The following ASF1A variants were observed in gnomAD, a reference collection of about 807,000 sequenced individuals.
The protein encoded by ASF1A is anti-silencing function 1A histone chaperone.
In ASF1A, 5 loss-of-function variants were observed where a neutral mutation model predicts 22.0. That is an observed-to-expected ratio of 0.23 (90% CI 0.12 to 0.48). The LOEUF (loss-of-function observed/expected upper bound fraction) is 0.48. Among genes scored for constraint, ASF1A ranks in the 20% least tolerant of loss-of-function variants. The pLI is 0.99. For synonymous variants in ASF1A, 97 were observed against 86.7 expected (o/e 1.12, Z -0.66); for missense variants, 137 against 240.6 (o/e 0.57, Z 2.85).
chr6:118,900,168 G>T (rs1463487775), intron 1 of ASF1A, among the ~76,000 whole-genome samples: 1 of 145,800 alleles, frequency 6.9e-6, no homozygotes, highest in Non-Finnish European at 1.6e-5. Flanking sequence ...TATGACACAG[G>T]GGGGTGCCGT....
chr6:118,905,940 G>T (rs1033298292), intron 3 of ASF1A, 112 bp downstream of exon 3: 4 of 792,486 alleles, frequency 5.0e-6, no homozygotes, highest in Non-Finnish European at 7.6e-6. Context: ...AAATAAATAT[G>T]AGGTCCTTAT....
At chr6:118,902,171 C>T (rs1468095796) in intron 2 of ASF1A, among the ~76,000 whole-genome samples, 2 of 152,026 alleles carry the variant, frequency 1.3e-5, no homozygotes, top group Non-Finnish European at 2.9e-5. Flanking sequence ...AACAGAATGC[C>T]CTGTTCTGTA....
At position 118,908,039 on chromosome 6, in the gene ASF1A, A is replaced by G. The variant is rs567982696; in HGVS notation, c.*425A>G. On this transcript the variant is annotated 3_prime_UTR_variant, in exon 4 of 4. Transcript: ENST00000229595. ...TCTTCCTGTGAAGACATATGGTATC[A>G]TTTTAATTTAAGGGGCAGATTTCCA... The G allele has an allele frequency of 6.5e-6, 1 of 154,650 alleles. No homozygotes were observed. Among genetic ancestry groups the G allele is most frequent in the East Asian group, 1.9e-4 (1 of 5,240 alleles). The allele number at this position is 154,650 out of a possible 1,614,324, so 9.6% of individuals were successfully genotyped here.
At position 118,894,388 on chromosome 6, in the gene ASF1A, C is replaced by G. The variant is rs747874429; in HGVS notation, c.-26C>G. On this transcript the variant is annotated 5_prime_UTR_variant, in exon 1 of 4. Transcript: ENST00000229595. ...TATTGTGCCGCAACCAGCCCCAGTTCCCATTGTTTGTGTTTTTTTCAAAAT... is the reference window on the plus strand; with the variant it reads ...TATTGTGCCGCAACCAGCCCCAGTTGCCATTGTTTGTGTTTTTTTCAAAAT... The G allele has an allele frequency of 7.2e-6, 11 of 1,536,966 alleles. No individual in the cohort carries two copies. Among genetic ancestry groups the G allele is most frequent in the South Asian group, 7.1e-5 (6 of 84,034 alleles).
chr6:118,894,558 G>A (rs139800548), intron 1 of ASF1A, 36 bp downstream of exon 1: 72,854 of 1,490,544 alleles, frequency 0.049, 2,585 homozygotes, highest in East Asian at 0.19. Context: ...GCTGTCAGTT[G>A]CGGGCTGCAG....
At position 118,894,310 on chromosome 6, in the gene ASF1A, G is replaced by A; in HGVS notation, c.-104G>A. The A allele has an allele frequency of 6.7e-7, 1 of 1,500,452 alleles. No homozygotes were observed. Among genetic ancestry groups the A allele is most frequent in the Non-Finnish European group, 8.9e-7 (1 of 1,128,046 alleles). 92.9% of individuals were successfully genotyped at this position (1,500,452 alleles called of 1,614,324 possible). ...TCAAGTCGCCGCTGCACGACGTCTG[G>A]CCGGCGCTGGAGCGGGGGTCTGCGC... On this transcript the variant is annotated 5_prime_UTR_variant, in exon 1 of 4. Coordinates refer to ENST00000229595, the MANE Select transcript of ASF1A (RefSeq NM_014034.3).
chr6:118,901,041 G>A, intron 2 of ASF1A, 160 bp downstream of exon 2: 1 of 571,872 alleles, frequency 1.7e-6, no homozygotes. Context: ...CAGTCTCTGT[G>A]TCACAGAGGA....
chr6:118,895,924 T>C (rs989659447), intron 1 of ASF1A, among the ~76,000 whole-genome samples: 2 of 152,094 alleles, frequency 1.3e-5, no homozygotes, highest in African/African-American at 4.8e-5. Flanking sequence ...TATATATTCA[T>C]TGTAATAAAC....
intron 2 of ASF1A, among the ~76,000 whole-genome samples, chr6:118,904,712 T>C (rs1437364003): frequency 1.3e-5 from 2 of 152,264 alleles, no homozygotes; most frequent in Non-Finnish European, 2.9e-5. Context: ...CCTTCACTGG[T>C]TTCCACATTA....
intron 1 of ASF1A, among the ~76,000 whole-genome samples, chr6:118,895,034 G>T (rs1479821527): frequency 6.6e-6 from 1 of 152,176 alleles, no homozygotes; most frequent in Non-Finnish European, 1.5e-5. Flanking sequence ...TGCCCCCGGC[G>T]AAAGGCAGGC....
At chr6:118,898,993 G>A (rs1338305470) in intron 1 of ASF1A, among the ~76,000 whole-genome samples, 4 of 152,048 alleles carry the variant, frequency 2.6e-5, no homozygotes, top group Non-Finnish European at 5.9e-5. Flanking sequence ...TCTCAAATAT[G>A]TCTAAAATGA....
At chr6:118,900,696 A>C in intron 1 of ASF1A, 70 bp from the exon 2 acceptor site, 1 of 1,118,740 alleles carries the variant, frequency 8.9e-7, no homozygotes, top group Non-Finnish European at 1.4e-6. Context: ...TGGACATTAA[A>C]AGGGTCTTTG....
In ASF1A at chr6:118,894,308, T is replaced by C. The variant is rs1779188206; in HGVS notation, c.-106T>C. ...TCTCAAGTCGCCGCTGCACGACGTC[T>C]GGCCGGCGCTGGAGCGGGGGTCTGC... On this transcript the variant is annotated 5_prime_UTR_variant, in exon 1 of 4. Coordinates refer to ENST00000229595, the MANE Select transcript of ASF1A (RefSeq NM_014034.3). The C allele has an allele frequency of 6.7e-7, 1 of 1,498,504 alleles. No individual in the cohort carries two copies. 92.8% of individuals were successfully genotyped at this position (1,498,504 alleles called of 1,614,324 possible).
At chr6:118,904,402 G>C (rs1262304378) in intron 2 of ASF1A, among the ~76,000 whole-genome samples, 3 of 152,164 alleles carry the variant, frequency 2.0e-5, no homozygotes, top group Non-Finnish European at 4.4e-5. Context: ...TGCTCATCTA[G>C]GCCCAGGAAT....
chr6:118,894,459 TCTC>T lies in ASF1A; in HGVS notation c.49_51del (p.Pro17del), dbSNP rs1779203212. On this transcript the variant is annotated inframe_deletion, in exon 1 of 4. Coordinates refer to ENST00000229595, the MANE Select transcript of ASF1A (RefSeq NM_014034.3). ...CAATGTAGTGGTGCTGGATAACCCT[TCTC>T]CTTTCTACAACCCGTTCCAGTTCGA... The T allele has an allele frequency of 1.3e-6, 2 of 1,536,954 alleles. No homozygotes were observed. Among genetic ancestry groups the T allele is most frequent in the Non-Finnish European group, 8.7e-7 (1 of 1,146,810 alleles).
intron 1 of ASF1A, among the ~76,000 whole-genome samples, chr6:118,897,910 C>T (rs1779542137): frequency 6.6e-6 from 1 of 152,054 alleles, no homozygotes; most frequent in African/African-American, 2.4e-5. Flanking sequence ...GCAAGCATCC[C>T]ATAAACATAA....
intron 1 of ASF1A, 115 bp downstream of exon 1, chr6:118,894,637 G>A (rs36193145): frequency 1.9e-4 from 172 of 904,224 alleles, no homozygotes; most frequent in East Asian, 4.3e-4. Context: ...GCCGCGGGCT[G>A]CTCTGCGGAG....
At chr6:118,894,611 T>TGTTCGGCGCCTGGCGGCCGC in intron 1 of ASF1A, 89 bp downstream of exon 1, 2 of 1,178,638 alleles carry the variant, frequency 1.7e-6, no homozygotes, top group Non-Finnish European at 2.4e-6. Context: ...TGGGCGGCTG[T>TGTTCGGCGCCTGGCGGCCGC]GTTCGGCGCC....
chr6:118,895,031 G>A (rs993227418), intron 1 of ASF1A, among the ~76,000 whole-genome samples: 2 of 152,160 alleles, frequency 1.3e-5, no homozygotes, highest in African/African-American at 4.8e-5. Context: ...GCCTGCCCCC[G>A]GCGAAAGGCA....
Sources: gnomAD v4.1 joint callset for allele counts (sites outside exome capture counted in the v4.1 genomes callset) on GRCh38, gnomAD v4.1.1 for gene constraint, MANE v1.5 for transcripts, NCBI Gene and HGNC (gene_info 2026-07-23, HGNC 2026-07-21) for gene names.